The following PPP2R1B variants were observed in gnomAD, a reference collection of about 807,000 sequenced individuals.
PPP2R1B encodes the protein serine/threonine-protein phosphatase 2A 65 kDa regulatory subunit A beta isoform.
PPP2R1B carries 58 observed loss-of-function variants against 72.7 expected under a neutral mutation model. The ratio of observed to expected loss-of-function variants is 0.80; its 90% CI spans 0.65 to 0.99. PPP2R1B has a LOEUF of 0.99. Ranked by LOEUF, PPP2R1B falls within the 50% of genes least tolerant of loss-of-function variation. The pLI is 0.00. For missense variants in PPP2R1B, 695 were observed against 733.6 expected (o/e 0.95, Z 0.61); for synonymous variants, 256 against 264.6 (o/e 0.97, Z 0.32).
the PPP2R1B span, among the ~76,000 whole-genome samples, chr11:111,713,773 C>T: frequency 2.6e-5 from 4 of 152,294 alleles, no homozygotes; most frequent in South Asian, 4.1e-4. Flanking sequence ...TCAAGACCAG[C>T]GTGGCCAACA....
At chr11:111,730,890 G>A (rs1944168813) in intron 15 of PPP2R1B, 2 of 152,214 alleles carry the variant, frequency 1.3e-5, no homozygotes, top group Admixed American at 6.5e-5. Context: ...TAATGCGATA[G>A]GGTTTTTGCC....
At chr11:111,720,404 G>C in the PPP2R1B span, 1 of 1,426,812 alleles carries the variant, frequency 7.0e-7, no homozygotes, top group Non-Finnish European at 9.5e-7. Flanking sequence ...AACTCAAGCT[G>C]GTTATGCTTT....
the PPP2R1B span, among the ~76,000 whole-genome samples, chr11:111,709,099 T>C: frequency 6.6e-6 from 1 of 152,224 alleles, no homozygotes; most frequent in Non-Finnish European, 1.5e-5. Context: ...GGAAATTATT[T>C]TCTCACAGTT....
intron 15 of PPP2R1B, chr11:111,728,863 G>C (rs992768676): frequency 6.6e-6 from 1 of 150,802 alleles, no homozygotes; most frequent in Non-Finnish European, 1.5e-5. Flanking sequence ...GGTGGAGCTT[G>C]CAGTGAGCCA....
downstream of PPP2R1B, chr11:111,723,727 G>A: frequency 6.2e-7 from 1 of 1,614,076 alleles, no homozygotes; most frequent in East Asian, 2.2e-5. Context: ...TCCTCAGCCA[G>A]TACCAAGAGA....
At chr11:111,760,454 A>G (rs577196413) in intron 4 of PPP2R1B, among the ~76,000 whole-genome samples, 3 of 152,116 alleles carry the variant, frequency 2.0e-5, no homozygotes, top group African/African-American at 7.2e-5. Context: ...AAGTGCTGGG[A>G]TTACAAGCAT....
At chr11:111,690,505 C>T in the PPP2R1B span, among the ~76,000 whole-genome samples, 1 of 151,626 alleles carries the variant, frequency 6.6e-6, no homozygotes, top group East Asian at 1.9e-4. Flanking sequence ...AGCTTTGTTA[C>T]GTAGGTATAC....
At chr11:111,726,868 CTT>C (rs1943984838), downstream of PPP2R1B, 3 of 1,113,070 alleles carry the variant, frequency 2.7e-6, no homozygotes, top group Non-Finnish European at 4.0e-6. Context: ...TCTGAAGAGA[CTT>C]TGGTGAGATG....
In PPP2R1B at chr11:111,739,324, T is replaced by G; in HGVS notation, c.*2272A>C. ...TCCAGTGAAATCAAGATAGGAGAAC[T>G]TTTCCCTTAAGTTTAAGGTAGTTAA... On this transcript the variant is annotated 3_prime_UTR_variant, in exon 15 of 15. Transcript: ENST00000527614. The G allele has an allele frequency of 2.1e-6, 2 of 974,262 alleles. No homozygotes were observed. Among genetic ancestry groups the G allele is most frequent in the African/African-American group, 3.6e-5 (2 of 55,702 alleles). The allele number at this position is 974,262 out of a possible 1,614,324, so 60.4% of individuals were successfully genotyped here. A position where few individuals can be genotyped will look rare whatever the true frequency, so the allele number is the denominator to read the frequency against.
Position 111,738,346 on chromosome 11 carries a change from TG to T in PPP2R1B, c.*3249del. The stretch of plus-strand genomic sequence containing the variant: ...AAGAGGACAGAACAAGCACCTGACC[TG>T]TTTGGCCACCCTGCCCTGCCATCGC... On this transcript the variant is annotated 3_prime_UTR_variant, in exon 15 of 15. Coordinates refer to ENST00000527614, the MANE Select transcript of PPP2R1B (RefSeq NM_002716.5). 1.0e-6 allele frequency: 1 copy of T among 985,558 alleles called. No homozygotes were observed. Among genetic ancestry groups the T allele is most frequent in the Non-Finnish European group, 1.2e-6 (1 of 829,996 alleles). 61.1% of individuals were successfully genotyped at this position (985,558 alleles called of 1,614,324 possible).
At position 111,760,905 on chromosome 11, in the gene PPP2R1B, A is replaced by G. The variant is rs545584093; in HGVS notation, c.453T>C (p.Asp151=). ...VPLVKRLASG[D]WFTSRTSACG... ...ATGCAGATGTGCGAGAGGTGAACCA[A>G]TCCCCACTTGCTAAGCGTTTCACCA... is the stretch of plus-strand genomic sequence containing the variant. The change falls in exon 4 of 15, where the codon GAT becomes GAC. Residue 151 remains aspartate, a synonymous_variant. Coordinates refer to ENST00000527614, the MANE Select transcript of PPP2R1B (RefSeq NM_002716.5). The G allele has an allele frequency of 4.3e-6, 7 of 1,614,184 alleles. No individual in the cohort carries two copies. The East Asian group carries it at 6.7e-5, about 15-fold the overall frequency.
rs528130097 is a variant in PPP2R1B at position 111,752,393 on chromosome 11, T to G, written c.1165-61A>C. 3.2e-4 allele frequency: 469 copies of G among 1,473,618 alleles called. 2 individuals are homozygous for G. The African/African-American group carries it at 6.1e-3, about 19-fold the overall frequency. 91.3% of individuals were successfully genotyped at this position (1,473,618 alleles called of 1,614,324 possible). A position where few individuals can be genotyped will look rare whatever the true frequency, so the allele number is the denominator to read the frequency against. ...AAATCAAGTACTCTGCCCAACAGTC[T>G]CCTGTCAGGGTAAGATAAAAGGTGA... On this transcript the variant is annotated intron_variant, in intron 9 of 14. Transcript: ENST00000527614.
chr11:111,736,127 CAA>C (rs750176986), downstream of PPP2R1B, among the ~76,000 whole-genome samples: 2 of 152,118 alleles, frequency 1.3e-5, no homozygotes, highest in Non-Finnish European at 2.9e-5. Context: ...GACCAAAAAA[CAA>C]TGATAGCACC....
intron 12 of PPP2R1B, among the ~76,000 whole-genome samples, 164 bp downstream of exon 12, chr11:111,743,212 A>T (rs1944587148): frequency 6.6e-6 from 1 of 152,182 alleles, no homozygotes; most frequent in Non-Finnish European, 1.5e-5. Context: ...AGATTTTAAC[A>T]TGAATTTTAA....
At chr11:111,703,482 C>A in the PPP2R1B span, 5 of 1,471,628 alleles carry the variant, frequency 3.4e-6, no homozygotes, top group South Asian at 1.2e-5. Context: ...ATTTCATGCT[C>A]ACACCTGTCA....
downstream of PPP2R1B, among the ~76,000 whole-genome samples, chr11:111,736,090 G>A (rs771694135): frequency 6.6e-6 from 1 of 152,184 alleles, no homozygotes; most frequent in African/African-American, 2.4e-5. Context: ...AAATAGACAT[G>A]CCAGGGGTTG....
At chr11:111,747,015 T>A (rs1944726765) in intron 11 of PPP2R1B, among the ~76,000 whole-genome samples, 1 of 152,236 alleles carries the variant, frequency 6.6e-6, no homozygotes, top group South Asian at 2.1e-4. Context: ...AATATCCTCA[T>A]TCCTCCCAAA....
downstream of PPP2R1B, chr11:111,737,589 C>T (rs756001483): frequency 2.3e-5 from 37 of 1,613,970 alleles, no homozygotes; most frequent in East Asian, 2.4e-4. Context: ...CAGACAGTGG[C>T]GCTGTAACTG....
chr11:111,730,496 T>G (rs539502070), intron 15 of PPP2R1B: 1 of 152,346 alleles, frequency 6.6e-6, no homozygotes, highest in East Asian at 1.9e-4. Flanking sequence ...GATTATTTGC[T>G]TATATCTGAA....
Sources: allele counts gnomAD v4.1 joint callset (sites outside exome capture counted in the v4.1 genomes callset), GRCh38; gene constraint gnomAD v4.1.1; transcripts MANE v1.5; gene names NCBI Gene and HGNC (gene_info 2026-07-23, HGNC 2026-07-21).